PRH1: variants seen among roughly 807,000 people sequenced by gnomAD.
PRH1 encodes proline rich protein HaeIII subfamily 1, also known as salivary acidic proline-rich phosphoprotein 1/2.
In PRH1, 7 loss-of-function variants were observed where a neutral mutation model predicts 7.9. The ratio of observed to expected loss-of-function variants is 0.89; its 90% CI spans 0.50 to 1.67. PRH1 has a LOEUF of 1.67. Among genes scored for constraint, PRH1 ranks in the 40% most tolerant of loss-of-function variants. PRH1 has a pLI of 0.00. For synonymous variants in PRH1, 45 were observed against 80.8 expected (o/e 0.56, Z 2.38); for missense variants, 109 against 223.6 (o/e 0.49, Z 3.27).
chr12:10,924,698 A>T (rs950409051), intron 2 of PRH1, among the ~76,000 whole-genome samples: 1 of 152,186 alleles, frequency 6.6e-6, no homozygotes, highest in Non-Finnish European at 1.5e-5. Context: ...TGGTATACTC[A>T]GGGATTCAAA....
intron 1 of PRH1, among the ~76,000 whole-genome samples, chr12:11,025,174 C>G (rs9651851): frequency 0.44 from 66,592 of 151,902 alleles, 15,410 homozygotes; most frequent in Non-Finnish European, 0.51. Flanking sequence ...CCCGCCACCA[C>G]GCCAGGCTAA....
At chr12:11,156,970 C>T (rs1947271371) in intron 1 of PRH1, among the ~76,000 whole-genome samples, 5 of 151,902 alleles carry the variant, frequency 3.3e-5, no homozygotes, top group African/African-American at 9.7e-5. Flanking sequence ...CTCAGCCTCC[C>T]GAGTAGCTGG....
intron 1 of PRH1, among the ~76,000 whole-genome samples, chr12:11,058,250 T>C (rs1943445055): frequency 6.6e-6 from 1 of 152,080 alleles, no homozygotes; most frequent in African/African-American, 2.4e-5. Flanking sequence ...AATAATTATA[T>C]ATTATTTGGT....
At position 10,892,567 on chromosome 12, in the gene PRH1, T is replaced by A. The variant is rs1370813492; in HGVS notation, c.-58-8292A>T. Among the ~76,000 whole-genome samples, 3 of 152,104 alleles carry A rather than the reference T, an allele frequency of 2.0e-5. No homozygotes were observed. The East Asian group carries it at 5.8e-4, about 29-fold the overall frequency. On this transcript the variant is annotated intron_variant, in intron 2 of 3. Coordinates refer to the PRH1 transcript ENST00000539853. Reference sequence around the variant, plus strand: ...ATGTCATTTTATGATTCAAATTAAGTCTGTGATTATCACTTAGCAAAATTG... The same window carrying A: ...ATGTCATTTTATGATTCAAATTAAGACTGTGATTATCACTTAGCAAAATTG...
chr12:11,080,459 T>C lies in PRH1; in HGVS notation n.124-33271A>G, dbSNP rs1295412888. 1.3e-4 allele frequency among the ~76,000 whole-genome samples: 15 copies of C among 117,166 alleles called. 2 individuals are homozygous for C. The highest frequency in any genetic ancestry group is 8.5e-5 in the Admixed American group (1 of 11,716). 76.9% of individuals were successfully genotyped at this position (117,166 alleles called of 152,430 possible). A position where few individuals can be genotyped will look rare whatever the true frequency, so the allele number is the denominator to read the frequency against. On this transcript the variant is annotated intron_variant and non_coding_transcript_variant, in intron 1 of 4. Transcript: ENST00000541977. The stretch of plus-strand genomic sequence containing the variant: ...GAGCATTCTTTCACATATCATTTGC[T>C]ACAATTCTTATGCATATATATACCT...
At chr12:11,031,692 C>A (rs1054117430) in intron 1 of PRH1, among the ~76,000 whole-genome samples, 5 of 152,052 alleles carry the variant, frequency 3.3e-5, no homozygotes, top group Non-Finnish European at 5.9e-5. Context: ...GATCCTGTTG[C>A]TTGGTGTATT....
At chr12:11,069,536 A>T (rs1225415434) in intron 1 of PRH1, among the ~76,000 whole-genome samples, 4 of 152,162 alleles carry the variant, frequency 2.6e-5, no homozygotes, top group Non-Finnish European at 5.9e-5. Flanking sequence ...AAAGGGCATC[A>T]TCCTGAAATG....
intron 1 of PRH1, among the ~76,000 whole-genome samples, chr12:10,978,967 C>G (rs1267863506): frequency 1.3e-5 from 2 of 152,088 alleles, no homozygotes. Flanking sequence ...AAAGGGAATG[C>G]TTTTATACTG....
intron 1 of PRH1, chr12:11,133,440 A>C: frequency 6.2e-7 from 1 of 1,614,036 alleles, no homozygotes; most frequent in Non-Finnish European, 8.5e-7. Context: ...GGATAGCTGA[A>C]TATAATAGCT....
intron 1 of PRH1, among the ~76,000 whole-genome samples, chr12:11,142,576 A>G (rs1033277990): frequency 2.6e-5 from 4 of 152,198 alleles, no homozygotes; most frequent in African/African-American, 9.7e-5. Flanking sequence ...AAAAGGTACT[A>G]TTGCAATTCG....
intron 2 of PRH1, among the ~76,000 whole-genome samples, chr12:10,910,640 G>C (rs1003821563): frequency 6.6e-6 from 1 of 151,970 alleles, no homozygotes; most frequent in Non-Finnish European, 1.5e-5. Context: ...AAGAGTCAAG[G>C]TTCCTCACCC....
chr12:11,129,432 C>T (rs1015429052), intron 1 of PRH1, among the ~76,000 whole-genome samples: 15 of 152,276 alleles, frequency 9.9e-5, no homozygotes, highest in African/African-American at 3.6e-4. Flanking sequence ...CTACTGGCAA[C>T]AAAATATATA....
intron 2 of PRH1, chr12:10,939,338 C>A: frequency 1.7e-6 from 1 of 581,572 alleles, no homozygotes; most frequent in South Asian, 3.0e-5. Flanking sequence ...GAATGTTAAA[C>A]CAGCAACCAT....
chr12:11,034,790 G>A (rs1472140947), intron 1 of PRH1: 2 of 152,260 alleles, frequency 1.3e-5, no homozygotes, highest in Non-Finnish European at 2.9e-5. Context: ...ACAAGGCTGA[G>A]GTGGGAGGAT....
intron 1 of PRH1, among the ~76,000 whole-genome samples, chr12:11,056,268 G>A (rs77179773): frequency 0.073 from 7,795 of 107,018 alleles, no homozygotes; most frequent in Non-Finnish European, 0.1. Flanking sequence ...CCATTGAAGA[G>A]TCTACACTTC....
intron 1 of PRH1, chr12:11,092,092 T>A (rs1242419662): frequency 6.7e-7 from 1 of 1,502,030 alleles, no homozygotes; most frequent in East Asian, 2.2e-5. Context: ...CAGTGAGAAT[T>A]TGGTCAGCAA....
chr12:11,039,524 T>A (rs1942611544), intron 1 of PRH1, among the ~76,000 whole-genome samples: 1 of 77,394 alleles, frequency 1.3e-5, no homozygotes, highest in South Asian at 1.4e-3. Flanking sequence ...TGTTCTGCAA[T>A]TTTTTCCTTG....
At chr12:11,030,679 G>A in intron 1 of PRH1, 1 of 1,614,116 alleles carries the variant, frequency 6.2e-7, no homozygotes. Context: ...CCTTGGTGCT[G>A]GGATCTTGAG....
chr12:10,927,586 G>A (rs1950140778), intron 2 of PRH1, among the ~76,000 whole-genome samples: 1 of 152,136 alleles, frequency 6.6e-6, no homozygotes, highest in South Asian at 2.1e-4. Flanking sequence ...TGAGAACATT[G>A]TTGTCTGTAG....
Sources: allele counts gnomAD v4.1 joint callset (sites outside exome capture counted in the v4.1 genomes callset), GRCh38; gene constraint gnomAD v4.1.1; transcripts MANE v1.5; gene names NCBI Gene and HGNC (gene_info 2026-07-23, HGNC 2026-07-21).